Variants in RUNX1 observed in about 807,000 individuals in gnomAD.
RUNX1 encodes the protein RUNX family transcription factor 1, also known as runt-related transcription factor 1.
RUNX1 carries 19 observed loss-of-function variants against 42.8 expected under a neutral mutation model. That is an observed-to-expected ratio of 0.44 (90% CI 0.31 to 0.65). RUNX1 has a LOEUF of 0.65. Among genes scored for constraint, RUNX1 ranks in the 30% least tolerant of loss-of-function variants. The probability of loss-of-function intolerance (pLI) is 0.07; values close to 1 mark genes in which losing one functional copy is unlikely to be tolerated. For missense variants in RUNX1, 528 were observed against 672.0 expected (o/e 0.79, Z 2.37); for synonymous variants, 271 against 289.4 (o/e 0.94, Z 0.64).
At chr21:35,015,494 G>T (rs550097202) in intron 2 of RUNX1, among the ~76,000 whole-genome samples, 8 of 152,174 alleles carry the variant, frequency 5.3e-5, no homozygotes, top group Admixed American at 3.3e-4. Flanking sequence ...TATGGTAAAA[G>T]AAACTCGTCC....
At chr21:35,030,986 C>T (rs1272494691) in intron 2 of RUNX1, among the ~76,000 whole-genome samples, 1 of 152,166 alleles carries the variant, frequency 6.6e-6, no homozygotes, top group Non-Finnish European at 1.5e-5. Flanking sequence ...CTCAACATCA[C>T]TCCTCATCAT....
chr21:34,826,948 G>T (rs2046421741), intron 7 of RUNX1, among the ~76,000 whole-genome samples: 1 of 152,198 alleles, frequency 6.6e-6, no homozygotes, highest in Admixed American at 6.5e-5. Flanking sequence ...GCCAAGAACG[G>T]TTCTGCCATT....
At chr21:34,880,133 G>A (rs532163442) in intron 5 of RUNX1, among the ~76,000 whole-genome samples, 2 of 152,266 alleles carry the variant, frequency 1.3e-5, no homozygotes, top group Admixed American at 6.5e-5. Flanking sequence ...GTGGTCATTC[G>A]AAACTCTGTC....
chr21:34,867,421 C>T (rs2057677806), intron 5 of RUNX1, among the ~76,000 whole-genome samples: 1 of 152,132 alleles, frequency 6.6e-6, no homozygotes, highest in African/African-American at 2.4e-5. Flanking sequence ...GCCTGGGTGA[C>T]AGAGTAAGAC....
chr21:34,887,076 A>G lies in RUNX1; in HGVS notation c.118T>C (p.Phe40Leu). 1.3e-6 allele frequency: 2 copies of G among 1,598,718 alleles called. No homozygotes were observed. Among genetic ancestry groups the G allele is most frequent in the Non-Finnish European group, 1.7e-6 (2 of 1,179,844 alleles). Reference protein sequence around the residue: ...DVHDASTSRRFTPPSTALSPG... With the variant: ...DVHDASTSRRLTPPSTALSPG... ...CTCAGCGCGGTGGAAGGCGGCGTGAAGCGGCGGCTCGTGCTGGCATCTACG... is the reference window on the plus strand; with the variant it reads ...CTCAGCGCGGTGGAAGGCGGCGTGAGGCGGCGGCTCGTGCTGGCATCTACG... The change falls in exon 4 of 9, where the codon TTC becomes CTC. Residue 40 changes from phenylalanine to leucine, a missense_variant. By Grantham distance (22) the Phe-to-Leu change is conservative (BLOSUM62 0). Transcript: ENST00000675419.
chr21:34,805,798 T>C (rs940786168), intron 7 of RUNX1, among the ~76,000 whole-genome samples: 54 of 152,204 alleles, frequency 3.5e-4, no homozygotes, highest in Non-Finnish European at 4.4e-5. Flanking sequence ...TTAACTGATC[T>C]GAAAGATAAC....
chr21:35,020,797 G>A (rs985520693), intron 2 of RUNX1, among the ~76,000 whole-genome samples: 1 of 152,176 alleles, frequency 6.6e-6, no homozygotes, highest in Non-Finnish European at 1.5e-5. Context: ...TCTGTTGCTT[G>A]TTTAATGCCT....
At chr21:34,945,654 C>T (rs555919946) in intron 2 of RUNX1, among the ~76,000 whole-genome samples, 3 of 152,328 alleles carry the variant, frequency 2.0e-5, no homozygotes, top group African/African-American at 7.2e-5. Flanking sequence ...GGTATGTTCT[C>T]CACACTGTGG....
chr21:34,863,707 A>AGCCG (rs1162686644), intron 5 of RUNX1, among the ~76,000 whole-genome samples: 24 of 151,888 alleles, frequency 1.6e-4, no homozygotes, highest in African/African-American at 4.8e-4. Context: ...TGTGCATACC[A>AGCCG]CCACACCCAG....
At chr21:34,832,576 G>GTTTTCTGAAGATTATGA (rs1410081421) in intron 7 of RUNX1, among the ~76,000 whole-genome samples, 1 of 152,186 alleles carries the variant, frequency 6.6e-6, no homozygotes, top group East Asian at 1.9e-4. Flanking sequence ...AATAGATGAT[G>GTTTTCTGAAGATTATGA]TGAATTAGTT....
intron 5 of RUNX1, among the ~76,000 whole-genome samples, chr21:34,865,285 T>C (rs1175893104): frequency 1.6e-3 from 124 of 79,696 alleles, no homozygotes; most frequent in African/African-American, 6.9e-3. Context: ...TGTGCGTGTG[T>C]GTGTGTGTGT....
At chr21:34,814,984 C>G (rs1184420418) in intron 7 of RUNX1, among the ~76,000 whole-genome samples, 1 of 152,016 alleles carries the variant, frequency 6.6e-6, no homozygotes, top group East Asian at 1.9e-4. Context: ...AAAATGCAGC[C>G]AGGAATCATC....
intron 2 of RUNX1, among the ~76,000 whole-genome samples, chr21:34,906,577 C>T (rs1485079762): frequency 6.6e-6 from 1 of 152,172 alleles, no homozygotes; most frequent in East Asian, 1.9e-4. Flanking sequence ...CCCAAGGCCA[C>T]ATAGAGATGG....
intron 2 of RUNX1, among the ~76,000 whole-genome samples, chr21:35,001,306 TTTTATATA>T (rs898769285): frequency 1.5e-5 from 1 of 68,794 alleles, no homozygotes; most frequent in African/African-American, 7.6e-5. Flanking sequence ...TGAGTTATGG[TTTTATATA>T]TATATATATA....
intron 2 of RUNX1, among the ~76,000 whole-genome samples, chr21:34,903,684 TTAGAG>T (rs1462913653): frequency 3.3e-5 from 5 of 152,200 alleles, no homozygotes; most frequent in Admixed American, 3.3e-4. Context: ...AATATCAGCC[TTAGAG>T]TATTCTATAG....
At chr21:34,853,815 A>AT (rs34643463) in intron 6 of RUNX1, among the ~76,000 whole-genome samples, 88,350 of 139,182 alleles carry the variant, frequency 0.63, 31,197 homozygotes, top group East Asian at 0.9. Flanking sequence ...TCCTTCCTTC[A>AT]TTTTTTTTTT....
chr21:34,936,180 C>CA (rs1470459552), intron 2 of RUNX1, among the ~76,000 whole-genome samples: 5 of 150,874 alleles, frequency 3.3e-5, no homozygotes, highest in African/African-American at 1.2e-4. Context: ...CTGCATACAT[C>CA]AAATAAAATT....
At chr21:34,968,399 C>T (rs937194536) in intron 2 of RUNX1, among the ~76,000 whole-genome samples, 2 of 152,088 alleles carry the variant, frequency 1.3e-5, no homozygotes, top group African/African-American at 4.8e-5. Context: ...CCTCCGAAAG[C>T]GGTGGCCTGG....
At chr21:34,812,976 C>T (rs1437601269) in intron 7 of RUNX1, among the ~76,000 whole-genome samples, 1 of 152,198 alleles carries the variant, frequency 6.6e-6, no homozygotes, top group African/African-American at 2.4e-5. Flanking sequence ...AATTGACTTA[C>T]TACCAAGTTT....
Sources: allele counts gnomAD v4.1 joint callset (sites outside exome capture counted in the v4.1 genomes callset), GRCh38; gene constraint gnomAD v4.1.1; transcripts MANE v1.5; gene names NCBI Gene and HGNC (gene_info 2026-07-23, HGNC 2026-07-21).